Variants in SETD2 observed in about 807,000 individuals in gnomAD.
The protein encoded by SETD2 is SET domain containing 2, histone lysine methyltransferase, also known as histone-lysine N-methyltransferase SETD2.
A neutral mutation model predicts 242.1 loss-of-function variants in SETD2; 31 were observed. The ratio of observed to expected loss-of-function variants is 0.13; its 90% CI spans 0.10 to 0.17. The LOEUF (loss-of-function observed/expected upper bound fraction) is 0.17. Ranked by LOEUF, SETD2 falls within the 10% of genes least tolerant of loss-of-function variation. The pLI, the probability that SETD2 is intolerant of heterozygous loss-of-function variation, is 1.00. For synonymous variants in SETD2, 1,006 were observed against 1,066.5 expected (o/e 0.94, Z 1.11); for missense variants, 2,481 against 3,046.3 (o/e 0.81, Z 4.37).
chr3:47,120,573 T>G lies in SETD2; in HGVS notation c.4063A>C (p.Lys1355Gln). The change falls in exon 3 of 21, where the codon AAA becomes CAA. Residue 1355 changes from lysine to glutamine, a missense_variant. Lys to Gln is a moderately conservative substitution (Grantham distance 53). Transcript: ENST00000409792. ...TCTTTCTGAAGGGATAGAAGAAATT[T>G]ATCGGACTGGTCTGAAAAATGGGAT... The part of the protein sequence containing the change: ...DGSHFSDQSD[K>Q]FLLSLQKDKG... 3 of 1,614,174 alleles carry G rather than the reference T, an allele frequency of 1.9e-6. No individual in the cohort carries two copies. The highest frequency in any genetic ancestry group is 2.5e-6 in the Non-Finnish European group (3 of 1,180,032).
intron 4 of SETD2, 70 bp downstream of exon 4, chr3:47,116,553 T>G: frequency 6.8e-7 from 1 of 1,479,874 alleles, no homozygotes; most frequent in African/African-American, 1.4e-5. Context: ...TTATTCTTCA[T>G]TGATAATTCA....
intron 15 of SETD2, among the ~76,000 whole-genome samples, chr3:47,053,026 AT>A (rs1559668432): frequency 1.3e-5 from 2 of 151,820 alleles, no homozygotes; most frequent in South Asian, 4.2e-4. Context: ...AGTAGCTGGT[AT>A]TACAGGCACC....
At chr3:47,163,315 G>A (rs1697557365) in intron 1 of SETD2, 2 of 152,238 alleles carry the variant, frequency 1.3e-5, no homozygotes, top group South Asian at 4.1e-4. Context: ...GCCCCTCCAC[G>A]GCCCGGGGGC....
chr3:47,090,215 C>T (rs1021339321), intron 9 of SETD2, among the ~76,000 whole-genome samples: 2 of 152,006 alleles, frequency 1.3e-5, no homozygotes, highest in African/African-American at 4.8e-5. Context: ...CCACTGTACT[C>T]TAGCCTGAGC....
Position 47,127,349 on chromosome 3 carries a change from T to TAA in SETD2, c.72-688_72-687dup, listed in dbSNP as rs60754228. Among the ~76,000 whole-genome samples the TAA allele has an allele frequency of 3.8e-3, 538 of 142,202 alleles. 2 individuals are homozygous for TAA. The highest frequency in any genetic ancestry group is 7.4e-3 in the Middle Eastern group (2 of 270). 93.3% of individuals were successfully genotyped at this position (142,202 alleles called of 152,430 possible). A position where few individuals can be genotyped will look rare whatever the true frequency, so the allele number is the denominator to read the frequency against. Reference sequence around the variant, plus strand: ...CTCCAGCTGTGGTGATGGCTGTCTTTAAAAAAAAAAAAAAAATCCTGAAGA... The same window carrying TAA: ...CTCCAGCTGTGGTGATGGCTGTCTTTAAAAAAAAAAAAAAAAAATCCTGAAGA... On this transcript the variant is annotated intron_variant, in intron 1 of 20. Transcript: ENST00000409792.
rs892448223 is a variant in SETD2, at chr3:47,126,626, T to C, written c.87+22A>G. ...AGTGGTCCATCTCATAATCATTGAA[T>C]GACTAGTTAAATTATACTTACCTCA... On this transcript the variant is annotated intron_variant, in intron 2 of 20. Coordinates refer to ENST00000409792, the MANE Select transcript of SETD2 (RefSeq NM_014159.7). The C allele has an allele frequency of 1.1e-5, 14 of 1,265,136 alleles. No homozygotes were observed. In the African/African-American group the frequency reaches 1.9e-4, roughly 17 times the overall value. 78.4% of individuals were successfully genotyped at this position (1,265,136 alleles called of 1,614,324 possible). A position where few individuals can be genotyped will look rare whatever the true frequency, so the allele number is the denominator to read the frequency against.
chr3:47,150,963 T>C (rs1161438874), intron 1 of SETD2, among the ~76,000 whole-genome samples: 1 of 151,406 alleles, frequency 6.6e-6, no homozygotes, highest in Non-Finnish European at 1.5e-5. Context: ...GAAAAGCATG[T>C]ATTATAATAG....
At chr3:47,101,603 T>C (rs765995103) in intron 7 of SETD2, 48 bp from the exon 8 acceptor site, 4 of 677,964 alleles carry the variant, frequency 5.9e-6, no homozygotes, top group Non-Finnish European at 5.1e-6. Context: ...TATTAGTGTG[T>C]GTGTGTGTGT....
rs2107487892 is a variant in SETD2 at position 47,017,678 on chromosome 3, C to T, written c.7493G>A (p.Arg2498Lys). Reference sequence around the variant, plus strand: ...TTTAAAGTCTTCAGTTGTGGTAATTCTTCCCACTTTGCAGTCAGGTTTCCG... The same window carrying T: ...TTTAAAGTCTTCAGTTGTGGTAATTTTTCCCACTTTGCAGTCAGGTTTCCG... ...PYRKPDCKVG[R>K]ITTTEDFKHL... is the part of the protein sequence containing the mutation. Residue 2498 changes from arginine to lysine, a missense_variant, in exon 20 of 21, where the codon AGA (arginine) becomes AAA (lysine). Physicochemically the swap from Arg to Lys is conservative, Grantham distance 26. Coordinates refer to ENST00000409792, the MANE Select transcript of SETD2 (RefSeq NM_014159.7). This position sits in a 1 kb window ranked among gnomAD's most constrained non-coding sequence, Gnocchi z 4.8. 3 of 1,614,000 alleles carry T rather than the reference C, an allele frequency of 1.9e-6. No homozygotes were observed. The highest frequency in any genetic ancestry group is 2.5e-6 in the Non-Finnish European group (3 of 1,179,890).
At chr3:47,040,973 T>C (rs2039251314) in intron 17 of SETD2, among the ~76,000 whole-genome samples, 1 of 152,218 alleles carries the variant, frequency 6.6e-6, no homozygotes, top group South Asian at 2.1e-4. Context: ...AATGTGTACC[T>C]GTTTTGCCCA....
At chr3:47,044,577 T>C (rs1047521086) in intron 16 of SETD2, among the ~76,000 whole-genome samples, 1 of 152,126 alleles carries the variant, frequency 6.6e-6, no homozygotes, top group Non-Finnish European at 1.5e-5. Flanking sequence ...AAGTGCTGAT[T>C]TGACCATGCT....
intron 9 of SETD2, among the ~76,000 whole-genome samples, chr3:47,090,810 A>G (rs978859233): frequency 6.6e-6 from 1 of 152,228 alleles, no homozygotes; most frequent in African/African-American, 2.4e-5. Flanking sequence ...GTCTAGAATG[A>G]AATGATTCAG....
chr3:47,030,153 A>AAAAAT (rs1383628416), intron 18 of SETD2, among the ~76,000 whole-genome samples: 2 of 152,198 alleles, frequency 1.3e-5, no homozygotes, highest in South Asian at 2.1e-4. Flanking sequence ...TGTCTTGAAA[A>AAAAAT]AAAATAAAAT....
chr3:47,090,268 C>CAAAT (rs977004887), intron 9 of SETD2, among the ~76,000 whole-genome samples: 3 of 151,700 alleles, frequency 2.0e-5, no homozygotes, highest in Non-Finnish European at 4.4e-5. Flanking sequence ...AACAAACAAA[C>CAAAT]AAATAAAAGA....
In SETD2 at chr3:47,163,873, G is replaced by A; in HGVS notation, c.52C>T (p.Pro18Ser). The A allele has an allele frequency of 7.6e-7, 1 of 1,318,226 alleles. No homozygotes were observed. The highest frequency in any genetic ancestry group is 9.7e-7 in the Non-Finnish European group (1 of 1,027,652). 81.7% of individuals were successfully genotyped at this position (1,318,226 alleles called of 1,614,324 possible). A position where few individuals can be genotyped will look rare whatever the true frequency, so the allele number is the denominator to read the frequency against. The change falls in exon 1 of 21, where the codon CCG (proline) becomes TCG (serine). Residue 18 changes from proline to serine, a missense_variant. Pro to Ser is a moderately conservative substitution (Grantham distance 74, BLOSUM62 -1). Around this residue, in one of 17 missense-constraint regions of SETD2, gnomAD observed 334 missense variants for 374.5 expected, o/e 0.89. Transcript: ENST00000409792. Reference protein sequence around the residue: ...PPPKMGDFYDPEHPTPEEEEN... With the variant: ...PPPKMGDFYDSEHPTPEEEEN... ...ACTTACTCAGGGGTCGGGTGCTCCG[G>A]GTCGTAGAAATCCCCCATCTTCGGA...
At chr3:47,128,476 GT>G (rs1342251893) in intron 1 of SETD2, among the ~76,000 whole-genome samples, 3 of 152,226 alleles carry the variant, frequency 2.0e-5, no homozygotes, top group Non-Finnish European at 2.9e-5. Flanking sequence ...TGTTTTCAAT[GT>G]TCCTGAAAGG....
intron 18 of SETD2, among the ~76,000 whole-genome samples, chr3:47,022,464 C>T (rs901982451): frequency 3.3e-5 from 5 of 151,502 alleles, no homozygotes; most frequent in Non-Finnish European, 7.4e-5. Flanking sequence ...GATCATGCTA[C>T]TGCACTCCAG....
At chr3:47,018,013 G>A (rs2038055688) in intron 19 of SETD2, among the ~76,000 whole-genome samples, 1 of 152,166 alleles carries the variant, frequency 6.6e-6, no homozygotes, top group African/African-American at 2.4e-5. Flanking sequence ...CTTCAATGCT[G>A]AGTCCTTCAG....
intron 15 of SETD2, among the ~76,000 whole-genome samples, chr3:47,049,374 C>CT (rs1166711209): frequency 0.83 from 80,352 of 97,002 alleles, 33,839 homozygotes; most frequent in Non-Finnish European, 0.87. Context: ...TAAACTTATT[C>CT]TTTTTTTTTT....
Sources: gnomAD v4.1 joint callset for allele counts (sites outside exome capture counted in the v4.1 genomes callset) on GRCh38, gnomAD v4.1.1 for gene constraint, gnomAD v4.1.1 regional missense constraint, Gnocchi (gnomAD v3.1) non-coding constraint, MANE v1.5 for transcripts, NCBI Gene and HGNC (gene_info 2026-07-23, HGNC 2026-07-21) for gene names.